The following LYST variants were observed in gnomAD, a reference collection of about 807,000 sequenced individuals.
LYST encodes the protein lysosomal trafficking regulator.
In LYST, 192 loss-of-function variants were observed where a neutral mutation model predicts 413.6. The observed-to-expected ratio is 0.46, with a 90% confidence interval of 0.41 to 0.52. The LOEUF is 0.52. Ranked by LOEUF, LYST falls within the 20% of genes least tolerant of loss-of-function variation. LYST has a pLI of 0.00. For synonymous variants in LYST, 1,525 were observed against 1,567.3 expected (o/e 0.97, Z 0.64); for missense variants, 3,815 against 4,499.9 (o/e 0.85, Z 4.35).
At chr1:235,744,855 A>G (rs1404205673) in intron 29 of LYST, among the ~76,000 whole-genome samples, 2 of 151,080 alleles carry the variant, frequency 1.3e-5, no homozygotes, top group Non-Finnish European at 3.0e-5. Context: ...AGCTGAGATC[A>G]TACCACTAGC....
At chr1:235,873,419 T>C (rs1383728736) in intron 1 of LYST, among the ~76,000 whole-genome samples, 3 of 152,174 alleles carry the variant, frequency 2.0e-5, no homozygotes, top group African/African-American at 7.2e-5. Flanking sequence ...TATGCTATAG[T>C]AATAAACTCA....
Position 235,809,298 on chromosome 1 carries a change from G to A in LYST, c.1520C>T (p.Ser507Phe), listed in dbSNP as rs371185792. ...TRKRHRRCEY[S>F]HFMHHHRDLS... is the part of the protein sequence containing the mutation. ...ATCTCGGTGATGATGCATAAAATGA[G>A]AATATTCACATCGTCTGTGCCTTTT... The change falls in exon 5 of 53, where the codon TCT becomes TTT. Residue 507 changes from serine to phenylalanine, a missense_variant. By Grantham distance (155) the Ser-to-Phe change is radical (BLOSUM62 -2). Transcript: ENST00000389793. The surrounding 1 kb of genome is among the most constrained non-coding windows in gnomAD (Gnocchi z 4.0). 9.9e-6 allele frequency: 16 copies of A among 1,613,840 alleles called. No individual in the cohort carries two copies. Among genetic ancestry groups the A allele is most frequent in the African/African-American group, 1.3e-5 (1 of 74,850 alleles).
At chr1:235,883,562 A>C (rs2103252782) in exon 1 of LYST, 1 of 152,756 alleles carries the variant, frequency 6.5e-6, no homozygotes, top group East Asian at 1.9e-4. Context: ...AAGAGGCCAA[A>C]ACCCCAAACA....
chr1:235,883,078 T>C (rs10803124), intron 1 of LYST: 140,161 of 151,982 alleles, frequency 0.92, 64,737 homozygotes, highest in East Asian at 1. Context: ...CATCCACCAG[T>C]CACCTTTCTC....
chr1:235,819,678 A>T (rs7538654), intron 3 of LYST, among the ~76,000 whole-genome samples: 1 of 151,992 alleles, frequency 6.6e-6, no homozygotes, highest in Admixed American at 6.6e-5. Context: ...ATGGAGTCTC[A>T]CTCTGCCACC....
intron 50 of LYST, among the ~76,000 whole-genome samples, chr1:235,666,494 G>A (rs900204491): frequency 2.6e-5 from 4 of 151,874 alleles, no homozygotes; most frequent in African/African-American, 9.7e-5. Flanking sequence ...GGTGATGGCT[G>A]CACAACACTG....
chr1:235,770,473 T>C (rs1668559998), intron 19 of LYST, among the ~76,000 whole-genome samples, 176 bp from the exon 20 acceptor site: 1 of 152,202 alleles, frequency 6.6e-6, no homozygotes, highest in South Asian at 2.1e-4. Flanking sequence ...TTGTTGCCAA[T>C]AGGCTATTTC....
chr1:235,788,572 T>A, intron 13 of LYST, 129 bp downstream of exon 13: 1 of 798,218 alleles, frequency 1.3e-6, no homozygotes, highest in East Asian at 2.7e-5. Flanking sequence ...TGTTAGAATG[T>A]ATATATTTTT....
rs1349967507 is a variant in LYST at position 235,777,305 on chromosome 1, T to A, written c.5218A>T (p.Ser1740Cys). The change falls in exon 17 of 53, where the codon AGT (serine) becomes TGT (cysteine). Residue 1740 changes from serine (S) to cysteine (C), a missense_variant. By Grantham distance (112) the Ser-to-Cys change is moderately radical. Transcript: ENST00000389793. ...TAAGTTGTATAAACAACTGAAAGAC[T>A]TTCCTGAAATACAAATATTTTCATT... ...KDVDIGLLIE[S>C]LSVVYTTYCP... is the part of the protein sequence containing the mutation. The A allele has an allele frequency of 1.2e-6, 2 of 1,611,882 alleles. No individual in the cohort carries two copies. Among genetic ancestry groups the A allele is most frequent in the South Asian group, 2.2e-5 (2 of 91,008 alleles).
At chr1:235,838,120 G>T (rs767308343) in intron 1 of LYST, among the ~76,000 whole-genome samples, 3 of 152,150 alleles carry the variant, frequency 2.0e-5, no homozygotes, top group African/African-American at 4.8e-5. Context: ...GGAGGACCAA[G>T]AATTTTTTTC....
intron 31 of LYST, chr1:235,738,304 G>A: frequency 6.2e-7 from 1 of 1,611,822 alleles, no homozygotes; most frequent in South Asian, 1.1e-5. Context: ...CATCGCAAGA[G>A]GGAGAAAGCC....
In LYST at chr1:235,662,983, T is replaced by C; in HGVS notation, c.11363A>G (p.Gln3788Arg). The C allele has an allele frequency of 6.2e-7, 1 of 1,613,138 alleles. No homozygotes were observed. The highest frequency in any genetic ancestry group is 8.5e-7 in the Non-Finnish European group (1 of 1,179,084). ...GCTAAGGAAGGAATAGAACATTGGC[T>C]GTTTCAAGCGCTGCTGGTCCTTCCG... ...WCRKDQQRLK[Q>R]PMFYSFLSSY... Residue 3788 changes from glutamine to arginine, a missense_variant, in exon 53 of 53, where the codon CAG becomes CGG. By Grantham distance (43) the Gln-to-Arg change is conservative. This residue lies in a region of LYST where 866 missense variants were observed against 1,156.0 expected (regional missense o/e 0.75). Coordinates refer to ENST00000389793, the MANE Select transcript of LYST (RefSeq NM_000081.4).
At chr1:235,776,984 G>T in intron 17 of LYST, 79 bp downstream of exon 17, 3 of 1,312,502 alleles carry the variant, frequency 2.3e-6, no homozygotes, top group Non-Finnish European at 3.2e-6. Context: ...TTTTCGTGTG[G>T]TCCAAAAGAA....
intron 48 of LYST, among the ~76,000 whole-genome samples, chr1:235,680,883 G>A (rs1164102383): frequency 1.3e-5 from 2 of 152,232 alleles, no homozygotes; most frequent in African/African-American, 2.4e-5. Context: ...ACAGGCGTGA[G>A]CCACCGCGCC....
intron 50 of LYST, among the ~76,000 whole-genome samples, chr1:235,669,963 G>T (rs1397683916): frequency 1.3e-5 from 2 of 152,154 alleles, no homozygotes; most frequent in African/African-American, 4.8e-5. Context: ...GTTCCTAAAT[G>T]ACAAGGGTAG....
chr1:235,789,756 T>C (rs1052434364), intron 12 of LYST, among the ~76,000 whole-genome samples: 10 of 152,280 alleles, frequency 6.6e-5, no homozygotes, highest in African/African-American at 2.4e-4. Context: ...CCAAGATATA[T>C]GATATACAGA....
At chr1:235,773,779 T>C in intron 19 of LYST, 63 bp downstream of exon 19, 2 of 1,371,422 alleles carry the variant, frequency 1.5e-6, no homozygotes, top group Non-Finnish European at 1.0e-6. Flanking sequence ...CTTAAGATGG[T>C]AAATTTTGTG....
intron 10 of LYST, among the ~76,000 whole-genome samples, chr1:235,799,416 C>CT (rs947279679): frequency 1.3e-5 from 2 of 152,160 alleles, no homozygotes; most frequent in African/African-American, 4.8e-5. Flanking sequence ...CAAACACCTC[C>CT]TTAACCACAT....
chr1:235,707,365 G>A (rs906348583), intron 44 of LYST, among the ~76,000 whole-genome samples: 16 of 152,106 alleles, frequency 1.1e-4, no homozygotes, highest in African/African-American at 3.4e-4. Flanking sequence ...GGTGGCTCAC[G>A]CCTGTAATCC....
Sources: allele counts gnomAD v4.1 joint callset (sites outside exome capture counted in the v4.1 genomes callset), GRCh38; gene constraint gnomAD v4.1.1; regional missense constraint gnomAD v4.1.1; non-coding constraint Gnocchi (gnomAD v3.1); transcripts MANE v1.5; gene names NCBI Gene and HGNC (gene_info 2026-07-23, HGNC 2026-07-21).